SLC7A6: variants seen among roughly 807,000 people sequenced by gnomAD.
SLC7A6 encodes solute carrier family 7 member 6.
In SLC7A6, 29 loss-of-function variants were observed where a neutral mutation model predicts 46.6. That is an observed-to-expected ratio of 0.62 (90% confidence interval 0.46 to 0.85). SLC7A6 has a LOEUF of 0.85. SLC7A6 is among the 40% of genes least tolerant of loss of function. SLC7A6 has a pLI of 0.00. For missense variants in SLC7A6, 527 were observed against 647.6 expected (o/e 0.81, Z 2.02); for synonymous variants, 276 against 257.3 (o/e 1.07, Z -0.70).
chr16:68,296,800 G>C lies in SLC7A6; in HGVS notation c.1443G>C (p.Arg481=), dbSNP rs746506851. 3.1e-6 allele frequency: 5 copies of C among 1,614,056 alleles called. No individual in the cohort carries two copies. Among genetic ancestry groups the C allele is most frequent in the South Asian group, 1.1e-5 (1 of 91,064 alleles). ...AGTCCCGGAGGCCATTGTTTATTCG[G>C]AATGTCCTGGGTGAGCTTCTCTGTG... The part of the protein sequence containing the change: ...LPESRRPLFI[R]NVLAAITRGT... The change falls in exon 10 of 11, where the codon CGG becomes CGC. Residue 481 remains arginine (R), a synonymous_variant. Transcript: ENST00000219343.
intron 3 of SLC7A6, among the ~76,000 whole-genome samples, chr16:68,277,948 T>TTA (rs1567585861): frequency 2.7e-4 from 28 of 103,506 alleles, no homozygotes; most frequent in African/African-American, 1.0e-3. Context: ...TATTATTATT[T>TTA]TTCTTTTTTG....
chr16:68,275,287 G>T (rs1297220454), intron 3 of SLC7A6, 38 bp downstream of exon 3: 6 of 1,573,750 alleles, frequency 3.8e-6, no homozygotes, highest in Admixed American at 3.4e-5. Flanking sequence ...GTTGGGGGGT[G>T]GGGGGTACTA....
At chr16:68,267,338 C>T (rs963121551) in intron 2 of SLC7A6, among the ~76,000 whole-genome samples, 1 of 151,496 alleles carries the variant, frequency 6.6e-6, no homozygotes. Flanking sequence ...CTCAACCTCC[C>T]GAGTAACTGG....
rs2042491171 is a variant in SLC7A6, at chr16:68,264,527, CGGCGGCGGCGG to C, written c.-214_-204del. 1 of 150,682 alleles carries C rather than the reference CGGCGGCGGCGG, an allele frequency of 6.6e-6. No individual in the cohort carries two copies. Among genetic ancestry groups the C allele is most frequent in the African/African-American group, 2.4e-5 (1 of 41,196 alleles). The allele number at this position is 150,682 out of a possible 1,614,324, so 9.3% of individuals were successfully genotyped here. ...TGGCGGGGCGGGGCCTGAGCTGCCGCGGCGGCGGCGGCGCGACCGAGCATCCTGGCGGCGCC... is the reference window on the plus strand; with the variant it reads ...TGGCGGGGCGGGGCCTGAGCTGCCGCCGCGACCGAGCATCCTGGCGGCGCC... On this transcript the variant is annotated 5_prime_UTR_variant, in exon 1 of 11. Transcript: ENST00000219343. This position sits in a 1 kb window ranked among gnomAD's most constrained non-coding sequence, Gnocchi z 5.8.
In SLC7A6 at chr16:68,301,420, C is replaced by T. The variant is rs200823865; in HGVS notation, c.*4092C>T. On this transcript the variant is annotated 3_prime_UTR_variant, in exon 11 of 11. Transcript: ENST00000219343. ...GTCAGCAGAGCCTAGAATGACATCC[C>T]GGGAGTGGATTCTAAATGTGATTTT... 18 of 1,609,208 alleles carry T rather than the reference C, an allele frequency of 1.1e-5. No individual in the cohort carries two copies. In the East Asian group the frequency reaches 1.3e-4, roughly 12 times the overall value.
chr16:68,301,276 C>T lies in SLC7A6; in HGVS notation c.*3948C>T. The T allele has an allele frequency of 6.2e-7, 1 of 1,613,994 alleles. No individual in the cohort carries two copies. Among genetic ancestry groups the T allele is most frequent in the South Asian group, 1.1e-5 (1 of 91,066 alleles). On this transcript the variant is annotated 3_prime_UTR_variant, in exon 11 of 11. Transcript: ENST00000219343. ...AACCTCATGGACATCACAAGACCAT[C>T]AGTCTGAATCCAGGTCGTGGGGGCT...
At chr16:68,277,974 C>G (rs533769234) in intron 3 of SLC7A6, among the ~76,000 whole-genome samples, 2 of 151,012 alleles carry the variant, frequency 1.3e-5, no homozygotes, top group Admixed American at 6.6e-5. Context: ...GAGTCTTGCT[C>G]TGTCGCCTAG....
At chr16:68,284,654 T>C in intron 3 of SLC7A6, 1 of 985,376 alleles carries the variant, frequency 1.0e-6, no homozygotes, top group Non-Finnish European at 1.2e-6. Context: ...CAGTGCCAGT[T>C]AGTGGGTCTG....
At chr16:68,266,942 C>CT (rs1027365583) in intron 2 of SLC7A6, among the ~76,000 whole-genome samples, 22 of 149,484 alleles carry the variant, frequency 1.5e-4, no homozygotes, top group Admixed American at 6.7e-4. Flanking sequence ...TGGGTTTTTT[C>CT]TTTTTTTTTG....
At chr16:68,286,824 C>T (rs1003055533) in intron 3 of SLC7A6, among the ~76,000 whole-genome samples, 4 of 152,108 alleles carry the variant, frequency 2.6e-5, no homozygotes, top group East Asian at 1.9e-4. Flanking sequence ...AGGGTGGAAG[C>T]GATCAGTGGG....
chr16:68,275,284 GGT>G, intron 3 of SLC7A6, 35 bp downstream of exon 3: 1 of 1,577,894 alleles, frequency 6.3e-7, no homozygotes, highest in Non-Finnish European at 8.7e-7. Context: ...GATGTTGGGG[GGT>G]GGGGGGTACT....
chr16:68,270,747 G>A (rs1247593236), intron 2 of SLC7A6, among the ~76,000 whole-genome samples: 2 of 152,080 alleles, frequency 1.3e-5, no homozygotes, highest in African/African-American at 4.8e-5. Context: ...TGGTTGCCCT[G>A]TAACTTCAGC....
At chr16:68,283,758 G>C (rs1347501692) in intron 3 of SLC7A6, among the ~76,000 whole-genome samples, 1 of 152,208 alleles carries the variant, frequency 6.6e-6, no homozygotes, top group African/African-American at 2.4e-5. Flanking sequence ...CTTGGTGCAG[G>C]CTTGTCCAGC....
At chr16:68,269,335 AT>A (rs1475885868) in intron 2 of SLC7A6, among the ~76,000 whole-genome samples, 1 of 151,906 alleles carries the variant, frequency 6.6e-6, no homozygotes, top group African/African-American at 2.4e-5. Flanking sequence ...CTTGTTACTG[AT>A]TGCCAGATAC....
chr16:68,297,157 T>C, intron 10 of SLC7A6, 77 bp from the exon 11 acceptor site: 1 of 1,367,820 alleles, frequency 7.3e-7, no homozygotes, highest in Non-Finnish European at 1.0e-6. Context: ...GCCATAGATG[T>C]TACTAGTCAG....
chr16:68,288,815 T>C (rs1298077617), intron 4 of SLC7A6, among the ~76,000 whole-genome samples: 2 of 148,908 alleles, frequency 1.3e-5, no homozygotes, highest in African/African-American at 5.0e-5. Flanking sequence ...AATACAAAAA[T>C]TGGCTGGGCA....
At chr16:68,296,335 T>C in intron 8 of SLC7A6, 29 bp from the exon 9 acceptor site, 1 of 1,612,992 alleles carries the variant, frequency 6.2e-7, no homozygotes, top group Middle Eastern at 1.7e-4. Flanking sequence ...GTGACGATGC[T>C]CACCTGTCTC....
chr16:68,290,138 C>A, intron 4 of SLC7A6: 1 of 412,036 alleles, frequency 2.4e-6, no homozygotes, highest in Non-Finnish European at 4.3e-6. Flanking sequence ...TGTGAGCTTT[C>A]CTGAGGAAGT....
intron 3 of SLC7A6, among the ~76,000 whole-genome samples, chr16:68,280,974 C>A (rs970329264): frequency 2.0e-5 from 3 of 152,178 alleles, no homozygotes; most frequent in Admixed American, 2.0e-4. Flanking sequence ...ACCTCGTGAT[C>A]CGCCCACCTC....
Sources: allele counts gnomAD v4.1 joint callset (sites outside exome capture counted in the v4.1 genomes callset), GRCh38; gene constraint gnomAD v4.1.1; non-coding constraint Gnocchi (gnomAD v3.1); transcripts MANE v1.5; gene names NCBI Gene and HGNC (gene_info 2026-07-23, HGNC 2026-07-21).